Variants in KCNB2 observed in about 807,000 individuals in gnomAD.
The protein encoded by KCNB2 is potassium voltage-gated channel subfamily B member 2, also known as delayed rectifier potassium channel protein.
Under a neutral mutation model 61.5 loss-of-function variants are expected in KCNB2, and 15 were observed. The ratio of observed to expected loss-of-function variants is 0.24; its 90% CI spans 0.16 to 0.38. The LOEUF is 0.38. Among genes scored for constraint, KCNB2 ranks in the 10% least tolerant of loss-of-function variants. The pLI, the probability that KCNB2 is intolerant of heterozygous loss-of-function variation, is 1.00. For missense variants in KCNB2, 828 were observed against 1,125.2 expected (o/e 0.74, Z 3.78); for synonymous variants, 457 against 446.0 (o/e 1.02, Z -0.31).
At chr8:72,614,193 G>A (rs1805582801) in intron 2 of KCNB2, among the ~76,000 whole-genome samples, 1 of 152,134 alleles carries the variant, frequency 6.6e-6, no homozygotes, top group African/African-American at 2.4e-5. Context: ...TGTTTATTGG[G>A]TAAAAATAGT....
At chr8:72,863,663 G>C (rs1805454989) in intron 2 of KCNB2, among the ~76,000 whole-genome samples, 1 of 152,198 alleles carries the variant, frequency 6.6e-6, no homozygotes, top group Admixed American at 6.5e-5. Flanking sequence ...GACAGTAACA[G>C]AGCCCCCATG....
intron 1 of KCNB2, among the ~76,000 whole-genome samples, chr8:72,566,475 G>C (rs117978731): frequency 2.6e-5 from 4 of 151,936 alleles, no homozygotes; most frequent in African/African-American, 7.3e-5. Context: ...CAAGGCCAGC[G>C]GATTGCTTAA....
chr8:72,720,976 A>T (rs1019230079), intron 2 of KCNB2, among the ~76,000 whole-genome samples: 1 of 152,008 alleles, frequency 6.6e-6, no homozygotes, highest in African/African-American at 2.4e-5. Flanking sequence ...GTGTAGATAC[A>T]ATAAAACTAG....
chr8:72,601,217 C>T (rs1805346623), intron 2 of KCNB2, among the ~76,000 whole-genome samples: 1 of 152,108 alleles, frequency 6.6e-6, no homozygotes. Context: ...TTGACTTTCA[C>T]CATTTGTGTT....
chr8:72,862,731 A>G (rs1322632910), intron 2 of KCNB2, among the ~76,000 whole-genome samples: 1 of 152,074 alleles, frequency 6.6e-6, no homozygotes, highest in Non-Finnish European at 1.5e-5. Context: ...TTCATGTTCC[A>G]GTTTGTGGGC....
At chr8:72,821,508 T>C (rs1809506531) in intron 2 of KCNB2, among the ~76,000 whole-genome samples, 1 of 151,930 alleles carries the variant, frequency 6.6e-6, no homozygotes, top group Non-Finnish European at 1.5e-5. Flanking sequence ...ATAATAGCTA[T>C]GTAATGGAGT....
chr8:72,700,226 A>G (rs1218700951), intron 2 of KCNB2, among the ~76,000 whole-genome samples: 1 of 152,144 alleles, frequency 6.6e-6, no homozygotes, highest in Non-Finnish European at 1.5e-5. Context: ...GGAGACCATT[A>G]GGACAAATAC....
At chr8:72,699,297 G>A (rs1467950857) in intron 2 of KCNB2, among the ~76,000 whole-genome samples, 1 of 92,616 alleles carries the variant, frequency 1.1e-5, no homozygotes, top group Non-Finnish European at 1.8e-5. Context: ...CGGCTGGTAT[G>A]AGATGTTATC....
intron 2 of KCNB2, among the ~76,000 whole-genome samples, chr8:72,745,461 T>C (rs1007689531): frequency 2.0e-5 from 3 of 152,094 alleles, no homozygotes; most frequent in African/African-American, 7.2e-5. Flanking sequence ...GATAATTGAC[T>C]AGAAAGAACT....
intron 2 of KCNB2, among the ~76,000 whole-genome samples, chr8:72,578,117 A>G (rs1228814058): frequency 6.6e-6 from 1 of 152,204 alleles, no homozygotes; most frequent in Non-Finnish European, 1.5e-5. Context: ...AAATAAATCA[A>G]TGACACTCTG....
At chr8:72,734,423 C>A (rs1342875851) in intron 2 of KCNB2, among the ~76,000 whole-genome samples, 2 of 152,146 alleles carry the variant, frequency 1.3e-5, no homozygotes, top group African/African-American at 4.8e-5. Context: ...TATGAAGTTA[C>A]AAACTGTTGG....
intron 2 of KCNB2, among the ~76,000 whole-genome samples, chr8:72,795,280 A>G (rs1011091563): frequency 6.6e-6 from 1 of 152,244 alleles, no homozygotes; most frequent in African/African-American, 2.4e-5. Context: ...AGAAAATTCC[A>G]CTGGACCTAG....
At chr8:72,667,375 C>A (rs1806494302) in intron 2 of KCNB2, among the ~76,000 whole-genome samples, 2 of 152,148 alleles carry the variant, frequency 1.3e-5, no homozygotes, top group South Asian at 4.1e-4. Context: ...CTGCTTTCAC[C>A]TCCTAAATGT....
At position 72,796,937 on chromosome 8, in the gene KCNB2, G is replaced by C. The variant is rs369862639; in HGVS notation, c.580-138998G>C. Among the ~76,000 whole-genome samples, 18 of 152,276 alleles carry C rather than the reference G, an allele frequency of 1.2e-4. No homozygotes were observed. In the East Asian group the frequency reaches 3.1e-3, roughly 26 times the overall value. On this transcript the variant is annotated intron_variant, in intron 2 of 2. Coordinates refer to ENST00000523207, the MANE Select transcript of KCNB2 (RefSeq NM_004770.3). The stretch of plus-strand genomic sequence containing the variant: ...TTCTGATAATTCCTGAGCAGAGAAA[G>C]CTTGCTAGATACTCTCAGAAATGTT...
intron 2 of KCNB2, among the ~76,000 whole-genome samples, chr8:72,891,952 G>C (rs1805902354): frequency 1.3e-5 from 2 of 152,144 alleles, no homozygotes; most frequent in Non-Finnish European, 2.9e-5. Context: ...TAGGCTCCAA[G>C]TGGAGGGGAG....
chr8:72,751,961 CGAG>C (rs1808197549), intron 2 of KCNB2: 1 of 152,114 alleles, frequency 6.6e-6, no homozygotes, highest in African/African-American at 2.4e-5. Flanking sequence ...TTAGACAGAG[CGAG>C]GCCTGTGGTG....
intron 2 of KCNB2, among the ~76,000 whole-genome samples, chr8:72,571,110 GA>G (rs1166261358): frequency 1.3e-5 from 2 of 152,132 alleles, no homozygotes; most frequent in Non-Finnish European, 2.9e-5. Context: ...AGTATGGAAG[GA>G]AAAACTTGAC....
In KCNB2 at chr8:72,797,214, G is replaced by C. The variant is rs530417253; in HGVS notation, c.580-138721G>C. On this transcript the variant is annotated intron_variant, in intron 2 of 2. Coordinates refer to ENST00000523207, the MANE Select transcript of KCNB2 (RefSeq NM_004770.3). ...ATCCTTGTTTGCCTGAATTTGCAAA[G>C]ATTATTGTTAAAAGTATCTTAAAAG... 9.8e-5 allele frequency among the ~76,000 whole-genome samples: 15 copies of C among 152,304 alleles called. No homozygotes were observed. The East Asian group carries it at 2.9e-3, about 29-fold the overall frequency.
intron 2 of KCNB2, among the ~76,000 whole-genome samples, chr8:72,778,578 G>A (rs1808697046): frequency 6.7e-6 from 1 of 150,288 alleles, no homozygotes. Context: ...TCTCTACAAA[G>A]AATAAAATTT....
Sources: allele counts gnomAD v4.1 joint callset (sites outside exome capture counted in the v4.1 genomes callset), GRCh38; gene constraint gnomAD v4.1.1; transcripts MANE v1.5; gene names NCBI Gene and HGNC (gene_info 2026-07-23, HGNC 2026-07-21).